Variants in COL9A1 observed in about 807,000 individuals in gnomAD.
COL9A1 encodes collagen type IX alpha 1 chain.
In COL9A1, 104 loss-of-function variants were observed where a neutral mutation model predicts 142.6. That is an observed-to-expected ratio of 0.73 (90% CI 0.62 to 0.86). COL9A1 has a LOEUF of 0.86. COL9A1 is among the 40% of genes least tolerant of loss of function. The pLI is 0.00. For synonymous variants in COL9A1, 466 were observed against 396.0 expected, an observed-to-expected ratio of 1.18 and a Z score of -2.10; for missense variants, 1,210 against 1,176.6, an observed-to-expected ratio of 1.03 and a Z score of -0.42.
intron 5 of COL9A1, among the ~76,000 whole-genome samples, chr6:70,285,333 A>G (rs1773409872): frequency 6.6e-6 from 1 of 152,254 alleles, no homozygotes; most frequent in Admixed American, 6.5e-5. Flanking sequence ...ATAATCATCT[A>G]TACAACAACC....
chr6:70,300,263 G>C, intron 3 of COL9A1, 46 bp downstream of exon 3: 2 of 1,597,262 alleles, frequency 1.3e-6, no homozygotes, highest in Non-Finnish European at 1.7e-6. Flanking sequence ...AAAAAAATCA[G>C]GTTTATAGAA....
rs151075294 is a variant in COL9A1, at chr6:70,282,341, CCCCG to C, written c.801+553_801+556del. ...TCAAACCTCAGCTGGGCTTATGCGCCCCCGCCGGGTCCTCCCTCGCGCAGGAGGC... is the reference window on the plus strand; with the variant it reads ...TCAAACCTCAGCTGGGCTTATGCGCCCCGGGTCCTCCCTCGCGCAGGAGGC... On this transcript the variant is annotated intron_variant, in intron 7 of 37. Coordinates refer to ENST00000357250, the MANE Select transcript of COL9A1 (RefSeq NM_001851.6). Among the ~76,000 whole-genome samples, 1,489 of 152,354 alleles carry C rather than the reference CCCCG, an allele frequency of 9.8e-3. 17 individuals are homozygous for C. Among genetic ancestry groups the C allele is most frequent in the African/African-American group, 0.034 (1,402 of 41,586 alleles).
At chr6:70,246,343 G>C (rs1351753523) in intron 28 of COL9A1, 1 of 152,044 alleles carries the variant, frequency 6.6e-6, no homozygotes, top group East Asian at 1.9e-4. Context: ...CTGGGCAACA[G>C]AGTGTGACTT....
At position 70,266,768 on chromosome 6, in the gene COL9A1, A is replaced by G. The variant is rs141904957; in HGVS notation, c.1290T>C (p.Gly430=). The G allele has an allele frequency of 1.2e-6, 2 of 1,613,116 alleles. No homozygotes were observed. The highest frequency in any genetic ancestry group is 3.3e-5 in the Admixed American group (2 of 60,008). ...SGYPGLPGMR[G]HKGAKGEIGE... ...CAATTTCTCCTTTAGCCCCTTTATG[A>G]CCCTAACAAATGCAAAATAAGTAAT... Residue 430 remains glycine (G), a splice_region_variant and synonymous_variant, in exon 18 of 38, where the codon GGT becomes GGC. Coordinates refer to ENST00000357250, the MANE Select transcript of COL9A1 (RefSeq NM_001851.6).
intron 18 of COL9A1, among the ~76,000 whole-genome samples, chr6:70,265,130 CA>C (rs1217878786): frequency 6.6e-6 from 1 of 151,400 alleles, no homozygotes; most frequent in Non-Finnish European, 1.5e-5. Context: ...CTTGACATGC[CA>C]AAAAAAATTG....
intron 16 of COL9A1, 43 bp from the exon 17 acceptor site, chr6:70,268,903 A>C: frequency 6.3e-7 from 1 of 1,586,742 alleles, no homozygotes; most frequent in Non-Finnish European, 8.7e-7. Flanking sequence ...AGACAGACAG[A>C]GTGCATAAAC....
rs577926462 is a variant in COL9A1, at chr6:70,264,788, G to C, written c.1342-1491C>G. On this transcript the variant is annotated intron_variant, in intron 18 of 37. Transcript: ENST00000357250. ...TTGCATAAGTATTGACCTGCTGTAT[G>C]ATGTTACAAATACCACAACATTTTG... Among the ~76,000 whole-genome samples, 20 of 152,124 alleles carry C rather than the reference G, an allele frequency of 1.3e-4. No homozygotes were observed. The South Asian group carries it at 4.1e-3, about 32-fold the overall frequency.
Position 70,294,338 on chromosome 6 carries a change from CA to C in COL9A1, c.524del (p.Leu175CysfsTer10). On this transcript the variant is annotated frameshift_variant, in exon 5 of 38. Transcript: ENST00000357250. LOFTEE classifies it high-confidence loss of function. ...QTAAFSNLSS[L>X]FDSQWHKIMI... ...TGATCTTATGCCACTGGGAATCAAA[CA>C]AGGAGGACAAATTCGAAAAGGCTGC... 6.2e-7 allele frequency: 1 copy of C among 1,614,048 alleles called. No individual in the cohort carries two copies. The highest frequency in any genetic ancestry group is 8.5e-7 in the Non-Finnish European group (1 of 1,179,962).
chr6:70,251,906 G>T (rs1770969135), intron 28 of COL9A1, among the ~76,000 whole-genome samples: 1 of 152,162 alleles, frequency 6.6e-6, no homozygotes, highest in Non-Finnish European at 1.5e-5. Context: ...AGGGCAGAAA[G>T]GGTCACCATG....
At chr6:70,237,716 A>T (rs1233442359) in intron 33 of COL9A1, among the ~76,000 whole-genome samples, 1 of 152,246 alleles carries the variant, frequency 6.6e-6, no homozygotes, top group Non-Finnish European at 1.5e-5. Flanking sequence ...AATTTTTCTC[A>T]ATCCTCAACC....
intron 13 of COL9A1, 44 bp from the exon 14 acceptor site, chr6:70,271,752 T>G: frequency 6.6e-7 from 1 of 1,521,272 alleles, no homozygotes; most frequent in African/African-American, 1.4e-5. Flanking sequence ...ATGAATATTT[T>G]TACAATCTAT....
chr6:70,261,284 A>G lies in COL9A1; in HGVS notation c.1396-574T>C, dbSNP rs538194917. The stretch of plus-strand genomic sequence containing the variant: ...ACTCGGGGCAATAGGAACCCATCTT[A>G]GTCATAAGAGTGGATAATCCTAAAA... On this transcript the variant is annotated intron_variant, in intron 19 of 37. Coordinates refer to ENST00000357250, the MANE Select transcript of COL9A1 (RefSeq NM_001851.6). Among the ~76,000 whole-genome samples, 3 of 152,242 alleles carry G rather than the reference A, an allele frequency of 2.0e-5. No homozygotes were observed. The South Asian group carries it at 6.2e-4, about 32-fold the overall frequency.
rs749748357 is a variant in COL9A1 at position 70,280,871 on chromosome 6, G to T, written c.916C>A (p.Pro306Thr). 6.2e-7 allele frequency: 1 copy of T among 1,613,562 alleles called. No homozygotes were observed. The highest frequency in any genetic ancestry group is 1.1e-5 in the South Asian group (1 of 91,000). ...CCTGGCTTTCCCGGTTCACCTGCAG[G>T]ACCCTGAGCAGGGGCAGAAGGGTGC... ...GPKGPPGPPG[P>T]AGEPGKPGAP... Residue 306 changes from proline to threonine, a missense_variant, in exon 10 of 38, where the codon CCT (proline) becomes ACT (threonine). Coordinates refer to ENST00000357250, the MANE Select transcript of COL9A1 (RefSeq NM_001851.6).
chr6:70,297,671 G>T (rs1325978068), intron 4 of COL9A1, among the ~76,000 whole-genome samples: 1 of 152,104 alleles, frequency 6.6e-6, no homozygotes, highest in African/African-American at 2.4e-5. Context: ...AGCCTTCAAA[G>T]AGTACCTTAA....
chr6:70,223,628 AC>A (rs1769030655), intron 37 of COL9A1, among the ~76,000 whole-genome samples: 1 of 152,166 alleles, frequency 6.6e-6, no homozygotes. Flanking sequence ...CGACCTCGAA[AC>A]CCAAGCCCTC....
chr6:70,216,664 T>C lies in COL9A1; in HGVS notation c.*233A>G. ...GAGGTGTTTGGTTTTCTTTTTTTTT[T>C]TTTAACTGATGACTCTGCTGTCTTC... On this transcript the variant is annotated 3_prime_UTR_variant, in exon 38 of 38. Coordinates refer to ENST00000357250, the MANE Select transcript of COL9A1 (RefSeq NM_001851.6). 3.6e-6 allele frequency: 2 copies of C among 562,782 alleles called. No individual in the cohort carries two copies. The highest frequency in any genetic ancestry group is 6.3e-6 in the Non-Finnish European group (2 of 314,968). The allele number at this position is 562,782 out of a possible 1,614,324, so 34.9% of individuals were successfully genotyped here. A position where few individuals can be genotyped will look rare whatever the true frequency, so the allele number is the denominator to read the frequency against.
chr6:70,241,791 T>C (rs749565179), intron 30 of COL9A1, among the ~76,000 whole-genome samples, 173 bp downstream of exon 30: 1 of 152,244 alleles, frequency 6.6e-6, no homozygotes, highest in Non-Finnish European at 1.5e-5. Flanking sequence ...ATTATATTAA[T>C]AGACTTTTTG....
At chr6:70,262,700 G>A (rs1771768820) in intron 19 of COL9A1, among the ~76,000 whole-genome samples, 3 of 152,326 alleles carry the variant, frequency 2.0e-5, no homozygotes, top group Admixed American at 1.3e-4. Context: ...ATTTGAAATT[G>A]AAGTTTGATG....
chr6:70,293,631 T>TCACACACACACACACA (rs3222430), intron 5 of COL9A1, among the ~76,000 whole-genome samples: 9 of 137,870 alleles, frequency 6.5e-5, no homozygotes, highest in African/African-American at 1.6e-4. Flanking sequence ...TCTCTCTCTT[T>TCACACACACACACACA]CACACACACA....
Sources: gnomAD v4.1 joint callset for allele counts (sites outside exome capture counted in the v4.1 genomes callset) on GRCh38, gnomAD v4.1.1 for gene constraint, MANE v1.5 for transcripts, NCBI Gene and HGNC (gene_info 2026-07-23, HGNC 2026-07-21) for gene names.